LRRC36: variants seen among roughly 807,000 people sequenced by gnomAD.
LRRC36 encodes leucine-rich repeat-containing protein 36.
In LRRC36, 62 loss-of-function variants were observed where a neutral mutation model predicts 81.1. The ratio of observed to expected loss-of-function variants is 0.76; its 90% CI spans 0.62 to 0.94. LRRC36 has a LOEUF of 0.94. Among genes scored for constraint, LRRC36 ranks in the 40% least tolerant of loss-of-function variants. The pLI, the probability that LRRC36 is intolerant of heterozygous loss-of-function variation, is 0.00. For synonymous variants in LRRC36, 334 were observed against 348.6 expected (o/e 0.96, Z 0.47); for missense variants, 761 against 881.7 (o/e 0.86, Z 1.73).
intron 5 of LRRC36, chr16:67,362,407 C>T (rs973884889): frequency 3.1e-5 from 8 of 258,992 alleles, no homozygotes; most frequent in East Asian, 1.3e-4. Context: ...ATCATCCGCC[C>T]GCCTCAGCCT....
intron 13 of LRRC36, among the ~76,000 whole-genome samples, chr16:67,382,833 T>A (rs1271179415): frequency 6.6e-6 from 1 of 152,012 alleles, no homozygotes; most frequent in Non-Finnish European, 1.5e-5. Flanking sequence ...AATAAAAAAA[T>A]TAGCTGGGAG....
At chr16:67,366,115 TTC>T (rs1293851975) in intron 7 of LRRC36, among the ~76,000 whole-genome samples, 1 of 151,650 alleles carries the variant, frequency 6.6e-6, no homozygotes. Context: ...AGGCAGTTCG[TTC>T]TCTCTCTCTC....
intron 2 of LRRC36, among the ~76,000 whole-genome samples, chr16:67,342,583 G>A (rs754611157): frequency 6.6e-6 from 1 of 152,146 alleles, no homozygotes; most frequent in Non-Finnish European, 1.5e-5. Context: ...GGGGATGATG[G>A]AGCAGAGGGC....
rs540829438 is a variant in LRRC36 at position 67,347,382 on chromosome 16, C to T, written c.392-113C>T. 7.2e-6 allele frequency: 11 copies of T among 1,534,300 alleles called. No homozygotes were observed. In the East Asian group the frequency reaches 2.7e-4, roughly 37 times the overall value. The stretch of plus-strand genomic sequence containing the variant: ...TATTTTGTGACCTGTCTCTAACACA[C>T]CAAGATGAGACTGGTCCTAATTTTT... On this transcript the variant is annotated intron_variant, in intron 3 of 13. Transcript: ENST00000329956.
At chr16:67,366,731 CAG>C (rs1169257289) in intron 7 of LRRC36, among the ~76,000 whole-genome samples, 1 of 148,884 alleles carries the variant, frequency 6.7e-6, no homozygotes, top group Non-Finnish European at 1.5e-5. Flanking sequence ...GCCTGGGCGA[CAG>C]AGTGAGACCC....
At chr16:67,351,209 G>A (rs929929890) in intron 5 of LRRC36, among the ~76,000 whole-genome samples, 4 of 151,988 alleles carry the variant, frequency 2.6e-5, no homozygotes, top group Admixed American at 6.6e-5. Context: ...AATATTCTTC[G>A]GTCTCAGTGC....
chr16:67,327,061 G>C (rs1438711604), intron 1 of LRRC36, 129 bp downstream of exon 1: 2 of 872,982 alleles, frequency 2.3e-6, no homozygotes, highest in East Asian at 3.4e-5. Flanking sequence ...CCTGAGGCTG[G>C]GGGGCGGGGG....
chr16:67,329,735 T>A (rs1341059758), intron 1 of LRRC36, among the ~76,000 whole-genome samples: 1 of 151,914 alleles, frequency 6.6e-6, no homozygotes, highest in East Asian at 1.9e-4. Context: ...CAGGCCAACA[T>A]GGTGAAACCC....
intron 10 of LRRC36, among the ~76,000 whole-genome samples, chr16:67,376,327 GA>G (rs1004550428): frequency 6.6e-6 from 1 of 151,374 alleles, no homozygotes; most frequent in African/African-American, 2.4e-5. Context: ...ACAAACAAAT[GA>G]AAAAAACAAA....
At chr16:67,341,078 C>G (rs545088208) in intron 1 of LRRC36, among the ~76,000 whole-genome samples, 4 of 106,078 alleles carry the variant, frequency 3.8e-5, no homozygotes, top group East Asian at 2.8e-4. Flanking sequence ...AATATGTACT[C>G]TACATATTCT....
chr16:67,329,748 T>C (rs919431710), intron 1 of LRRC36, among the ~76,000 whole-genome samples: 2 of 151,842 alleles, frequency 1.3e-5, no homozygotes, highest in Non-Finnish European at 1.5e-5. Flanking sequence ...TGAAACCCCA[T>C]CTCTATTAAA....
At chr16:67,338,553 G>A (rs2037870054) in intron 1 of LRRC36, among the ~76,000 whole-genome samples, 1 of 152,078 alleles carries the variant, frequency 6.6e-6, no homozygotes, top group South Asian at 2.1e-4. Context: ...GTTGAATGTG[G>A]AATCTGAAAC....
intron 1 of LRRC36, among the ~76,000 whole-genome samples, chr16:67,332,906 A>C (rs28526086): frequency 6.7e-6 from 1 of 150,318 alleles, no homozygotes; most frequent in Non-Finnish European, 1.5e-5. Context: ...ATTTTTTTTT[A>C]AAAAAAACAT....
intron 12 of LRRC36, among the ~76,000 whole-genome samples, chr16:67,381,281 T>C (rs539892722): frequency 6.6e-6 from 1 of 151,354 alleles, no homozygotes; most frequent in Non-Finnish European, 1.5e-5. Context: ...TTGGCATCAT[T>C]ACAACCGGAG....
chr16:67,376,924 C>T, intron 11 of LRRC36, 52 bp downstream of exon 11: 1 of 1,545,910 alleles, frequency 6.5e-7, no homozygotes, highest in Non-Finnish European at 8.8e-7. Flanking sequence ...AGAACTACAA[C>T]ATCTCTGCCT....
At chr16:67,368,512 G>A (rs1439257885) in intron 8 of LRRC36, among the ~76,000 whole-genome samples, 3 of 152,304 alleles carry the variant, frequency 2.0e-5, no homozygotes, top group Middle Eastern at 3.4e-3. Flanking sequence ...CCTGAGGCTG[G>A]AACATACTTT....
rs532326678 is a variant in LRRC36, at chr16:67,380,525, A to G, written c.1931-1608A>G. Among the ~76,000 whole-genome samples, 11 of 152,354 alleles carry G rather than the reference A, an allele frequency of 7.2e-5. No homozygotes were observed. The East Asian group carries it at 9.6e-4, about 13-fold the overall frequency. ...GCACCCCTAAGCAAATTATGGGTAC[A>G]TGGATTTATACAAGGAACTTGATTT... On this transcript the variant is annotated intron_variant, in intron 12 of 13. Coordinates refer to ENST00000329956, the MANE Select transcript of LRRC36 (RefSeq NM_018296.6).
chr16:67,381,151 G>A (rs2040093419), intron 12 of LRRC36, among the ~76,000 whole-genome samples: 1 of 150,238 alleles, frequency 6.7e-6, no homozygotes, highest in African/African-American at 2.5e-5. Flanking sequence ...TTGAACCCAG[G>A]AGGTGGAGGT....
intron 5 of LRRC36, among the ~76,000 whole-genome samples, chr16:67,356,920 CA>C (rs1188030308): frequency 1.3e-5 from 2 of 152,152 alleles, no homozygotes; most frequent in Non-Finnish European, 2.9e-5. Context: ...GGCCAAGTTG[CA>C]AAGGCCCTCT....
Sources: gnomAD v4.1 joint callset for allele counts (sites outside exome capture counted in the v4.1 genomes callset) on GRCh38, gnomAD v4.1.1 for gene constraint, MANE v1.5 for transcripts, NCBI Gene and HGNC (gene_info 2026-07-23, HGNC 2026-07-21) for gene names.